Variants in HSPA12A observed in about 807,000 individuals in gnomAD.
HSPA12A encodes the protein heat shock 70 kDa protein 12A.
Under a neutral mutation model 69.2 loss-of-function variants are expected in HSPA12A, and 28 were observed. That is an observed-to-expected ratio of 0.40 (90% CI 0.30 to 0.55). The LOEUF is 0.55. Among genes scored for constraint, HSPA12A ranks in the 20% least tolerant of loss-of-function variants. The pLI is 0.38. For synonymous variants in HSPA12A, 345 were observed against 370.5 expected (o/e 0.93, Z 0.79); for missense variants, 686 against 900.7 (o/e 0.76, Z 3.05).
intron 2 of HSPA12A, among the ~76,000 whole-genome samples, chr10:116,779,466 G>A (rs562391679): frequency 6.6e-6 from 1 of 152,262 alleles, no homozygotes; most frequent in South Asian, 2.1e-4. Flanking sequence ...CTGCTCTGCT[G>A]GACTCGGGTG....
intron 1 of HSPA12A, among the ~76,000 whole-genome samples, chr10:116,716,816 C>T (rs1850621029): frequency 6.6e-6 from 1 of 152,138 alleles, no homozygotes; most frequent in African/African-American, 2.4e-5. Flanking sequence ...TTGGTATTCT[C>T]AGGGCCCCCG....
At chr10:116,678,796 C>G (rs756780803) in intron 10 of HSPA12A, among the ~76,000 whole-genome samples, 1 of 152,086 alleles carries the variant, frequency 6.6e-6, no homozygotes, top group East Asian at 1.9e-4. Context: ...CAGGACCTGA[C>G]AGTTGTTGAA....
At chr10:116,823,917 A>C (rs1845452699) in intron 2 of HSPA12A, among the ~76,000 whole-genome samples, 1 of 152,244 alleles carries the variant, frequency 6.6e-6, no homozygotes, top group South Asian at 2.1e-4. Flanking sequence ...GACTTAATAA[A>C]AATTAAAAAC....
chr10:116,834,500 T>C (rs1357135353), intron 2 of HSPA12A, among the ~76,000 whole-genome samples: 1 of 152,026 alleles, frequency 6.6e-6, no homozygotes, highest in Non-Finnish European at 1.5e-5. Flanking sequence ...AGGAGAGACA[T>C]GTTAAGGCAA....
In HSPA12A at chr10:116,807,083, T is replaced by C. The variant is rs570605472; in HGVS notation, c.91+27852A>G. Among the ~76,000 whole-genome samples the C allele has an allele frequency of 3.9e-5, 6 of 152,090 alleles. No individual in the cohort carries two copies. The South Asian group carries it at 1.2e-3, about 32-fold the overall frequency. ...GGAGCATCCAGAGGGACTGTGGCCC[T>C]GCCAACACCTTGATTTTGAACTTCT... On this transcript the variant is annotated intron_variant, in intron 2 of 12. Transcript: ENST00000635765.
At chr10:116,746,699 T>C (rs1226692295), upstream of HSPA12A, among the ~76,000 whole-genome samples, 2 of 152,256 alleles carry the variant, frequency 1.3e-5, no homozygotes, top group Admixed American at 6.5e-5. Context: ...ATTTAATTTA[T>C]ATATTTGAAC....
intron 2 of HSPA12A, among the ~76,000 whole-genome samples, chr10:116,825,883 G>A (rs374872645): frequency 4.6e-5 from 7 of 152,220 alleles, no homozygotes; most frequent in African/African-American, 9.6e-5. Context: ...AATTGTTATC[G>A]AAAAAGAAGG....
intron 2 of HSPA12A, among the ~76,000 whole-genome samples, chr10:116,819,228 T>C (rs968705336): frequency 4.6e-5 from 7 of 152,176 alleles, no homozygotes; most frequent in African/African-American, 1.7e-4. Flanking sequence ...ATCATCCAGT[T>C]GAGAAGCCCT....
intron 1 of HSPA12A, among the ~76,000 whole-genome samples, chr10:116,719,444 G>T (rs1224880809): frequency 1.3e-5 from 2 of 152,210 alleles, no homozygotes; most frequent in Non-Finnish European, 2.9e-5. Flanking sequence ...CCTTGAGGGG[G>T]TCCATGAGCT....
intron 6 of HSPA12A, among the ~76,000 whole-genome samples, chr10:116,687,488 C>T (rs1350535397): frequency 6.6e-6 from 1 of 152,140 alleles, no homozygotes; most frequent in Non-Finnish European, 1.5e-5. Flanking sequence ...GAAGAGGCAG[C>T]GGACTCTGCA....
At chr10:116,726,858 A>C (rs1267997832) in intron 1 of HSPA12A, among the ~76,000 whole-genome samples, 1 of 152,114 alleles carries the variant, frequency 6.6e-6, no homozygotes, top group Non-Finnish European at 1.5e-5. Context: ...ACTATTTCTC[A>C]CTGTGATAAT....
chr10:116,719,670 TTAAA>T (rs1160059011), intron 1 of HSPA12A, among the ~76,000 whole-genome samples: 2 of 152,240 alleles, frequency 1.3e-5, no homozygotes, highest in Non-Finnish European at 2.9e-5. Context: ...TTAATGAGGA[TTAAA>T]TAAGAATAAT....
chr10:116,801,714 CATAAA>C (rs1844959684), intron 2 of HSPA12A, among the ~76,000 whole-genome samples: 1 of 151,802 alleles, frequency 6.6e-6, no homozygotes, highest in African/African-American at 2.4e-5. Flanking sequence ...TTATACACGT[CATAAA>C]ATATCATAGA....
At chr10:116,777,494 GA>G (rs1554891265) in intron 2 of HSPA12A, among the ~76,000 whole-genome samples, 3 of 152,166 alleles carry the variant, frequency 2.0e-5, no homozygotes, top group Non-Finnish European at 2.9e-5. Context: ...CAGTTCCCAA[GA>G]GCCTGCCACT....
chr10:116,820,514 T>C (rs1820642319), intron 2 of HSPA12A, among the ~76,000 whole-genome samples: 1 of 152,112 alleles, frequency 6.6e-6, no homozygotes, highest in Non-Finnish European at 1.5e-5. Flanking sequence ...TCATCAGACG[T>C]GGCCAGTCAC....
chr10:116,812,226 G>A (rs1845204875), intron 2 of HSPA12A, among the ~76,000 whole-genome samples: 1 of 152,082 alleles, frequency 6.6e-6, no homozygotes, highest in Non-Finnish European at 1.5e-5. Context: ...GCTGAGGCAG[G>A]CAGATCACCT....
chr10:116,812,045 A>G (rs1845199514), intron 2 of HSPA12A, among the ~76,000 whole-genome samples: 1 of 152,156 alleles, frequency 6.6e-6, no homozygotes, highest in South Asian at 2.1e-4. Flanking sequence ...CCAGAGGCTG[A>G]GTGGGAGACG....
chr10:116,751,733 G>A (rs1589685326), intron 2 of HSPA12A, among the ~76,000 whole-genome samples: 4 of 152,272 alleles, frequency 2.6e-5, no homozygotes, highest in East Asian at 1.9e-4. Flanking sequence ...AATGTTGGAG[G>A]TGGGACCTGG....
At chr10:116,808,855 A>T (rs906291949) in intron 2 of HSPA12A, among the ~76,000 whole-genome samples, 2 of 152,100 alleles carry the variant, frequency 1.3e-5, no homozygotes, top group Non-Finnish European at 2.9e-5. Context: ...CGCCGTTCCT[A>T]TGTTCAGACT....
Sources: gnomAD v4.1 joint callset for allele counts (sites outside exome capture counted in the v4.1 genomes callset) on GRCh38, gnomAD v4.1.1 for gene constraint, MANE v1.5 for transcripts, NCBI Gene and HGNC (gene_info 2026-07-23, HGNC 2026-07-21) for gene names.